The following PPARGC1A variants were observed in gnomAD, a reference collection of about 807,000 sequenced individuals.
PPARGC1A encodes the protein peroxisome proliferator-activated receptor gamma coactivator 1-alpha.
PPARGC1A carries 25 observed loss-of-function variants against 88.7 expected under a neutral mutation model. The ratio of observed to expected loss-of-function variants is 0.28; its 90% CI spans 0.21 to 0.39. The LOEUF is 0.39. PPARGC1A is among the 10% of genes least tolerant of loss of function. The probability of loss-of-function intolerance (pLI) is 1.00; values close to 1 mark genes in which losing one functional copy is unlikely to be tolerated. For synonymous variants in PPARGC1A, 363 were observed against 355.6 expected (o/e 1.02, Z -0.24); for missense variants, 880 against 968.7 (o/e 0.91, Z 1.22).
chr4:24,051,935 CAAA>C, the PPARGC1A span, among the ~76,000 whole-genome samples: 53 of 114,752 alleles, frequency 4.6e-4, no homozygotes, highest in African/African-American at 1.2e-3. Context: ...GTGATTTGCA[CAAA>C]AAAAAAAAAA....
the PPARGC1A span, among the ~76,000 whole-genome samples, chr4:24,314,078 C>T: frequency 6.6e-6 from 1 of 151,668 alleles, no homozygotes; most frequent in Non-Finnish European, 1.5e-5. Context: ...ACACCTAAAA[C>T]AATAGTTCAA....
chr4:24,445,570 A>C, the PPARGC1A span, among the ~76,000 whole-genome samples: 23 of 152,206 alleles, frequency 1.5e-4, no homozygotes, highest in African/African-American at 5.5e-4. Context: ...ACATGTTGGT[A>C]TATGTGAAGC....
chr4:24,183,578 A>T, the PPARGC1A span, among the ~76,000 whole-genome samples: 1 of 152,226 alleles, frequency 6.6e-6, no homozygotes, highest in Non-Finnish European at 1.5e-5. Context: ...CCTGGGAGAC[A>T]TTAGACTGTA....
chr4:23,925,250 A>G, the PPARGC1A span, among the ~76,000 whole-genome samples: 38 of 152,288 alleles, frequency 2.5e-4, 1 homozygote, highest in South Asian at 7.7e-3. Context: ...TTATCAATCA[A>G]TCTAGGGTTC....
the PPARGC1A span, among the ~76,000 whole-genome samples, chr4:23,983,979 G>T: frequency 0.15 from 23,499 of 151,806 alleles, 1,951 homozygotes; most frequent in East Asian, 0.26. Flanking sequence ...ATTTTCTTTA[G>T]TAATAACATC....
At chr4:24,235,395 G>A in the PPARGC1A span, among the ~76,000 whole-genome samples, 1 of 152,172 alleles carries the variant, frequency 6.6e-6, no homozygotes, top group Non-Finnish European at 1.5e-5. Context: ...AGTTTAGAAA[G>A]CATTTGTAAG....
chr4:24,459,650 C>G, the PPARGC1A span, among the ~76,000 whole-genome samples: 1 of 152,068 alleles, frequency 6.6e-6, no homozygotes, highest in Non-Finnish European at 1.5e-5. Flanking sequence ...ATTAGCCAGG[C>G]ATGGTGTTGC....
the PPARGC1A span, among the ~76,000 whole-genome samples, chr4:24,454,414 A>C: frequency 6.6e-6 from 1 of 152,058 alleles, no homozygotes; most frequent in Non-Finnish European, 1.5e-5. Context: ...TGGATAAGAA[A>C]TTCAAGAGCA....
chr4:24,116,889 T>A, the PPARGC1A span, among the ~76,000 whole-genome samples: 1,774 of 152,280 alleles, frequency 0.012, 19 homozygotes, highest in Non-Finnish European at 0.018. Context: ...TGTCCTTTGG[T>A]ACAGAGTTCC....
At chr4:24,177,681 GAAA>G in the PPARGC1A span, among the ~76,000 whole-genome samples, 1 of 144,534 alleles carries the variant, frequency 6.9e-6, no homozygotes, top group African/African-American at 2.5e-5. Flanking sequence ...TTTAAAAAAG[GAAA>G]AAAAAAAGAA....
the PPARGC1A span, among the ~76,000 whole-genome samples, chr4:24,110,023 A>C: frequency 6.6e-6 from 1 of 152,018 alleles, no homozygotes; most frequent in Non-Finnish European, 1.5e-5. Context: ...GGGGTCTCTG[A>C]CTCTGCCCTA....
chr4:24,127,330 G>A, the PPARGC1A span, among the ~76,000 whole-genome samples: 6 of 152,122 alleles, frequency 3.9e-5, no homozygotes, highest in South Asian at 2.1e-4. Flanking sequence ...CTGGTATGGC[G>A]GGGGTGGGGG....
At chr4:23,819,876 C>T (rs1722663284) in intron 7 of PPARGC1A, among the ~76,000 whole-genome samples, 1 of 152,078 alleles carries the variant, frequency 6.6e-6, no homozygotes, top group African/African-American at 2.4e-5. Context: ...TTCTCTGATG[C>T]TATGCTTTTC....
chr4:24,050,283 C>T, the PPARGC1A span, among the ~76,000 whole-genome samples: 1 of 144,306 alleles, frequency 6.9e-6, no homozygotes, highest in Non-Finnish European at 1.5e-5. Context: ...GCAACCTCTG[C>T]CTCCCAGGTT....
chr4:24,182,591 T>C, the PPARGC1A span, among the ~76,000 whole-genome samples: 1 of 152,180 alleles, frequency 6.6e-6, no homozygotes, highest in African/African-American at 2.4e-5. Flanking sequence ...CCACAATGGT[T>C]GAACTAATTT....
chr4:24,394,465 T>C, the PPARGC1A span, among the ~76,000 whole-genome samples: 1 of 152,194 alleles, frequency 6.6e-6, no homozygotes, highest in African/African-American at 2.4e-5. Context: ...TAAGAAGTCA[T>C]TTCAGGTAGA....
chr4:23,934,424 C>A, the PPARGC1A span, among the ~76,000 whole-genome samples: 3 of 152,148 alleles, frequency 2.0e-5, no homozygotes, highest in Admixed American at 6.5e-5. Flanking sequence ...GGCATCCAAC[C>A]TTTTCCCGCA....
chr4:23,846,540 G>C (rs1728355034), intron 2 of PPARGC1A, among the ~76,000 whole-genome samples: 1 of 152,098 alleles, frequency 6.6e-6, no homozygotes, highest in African/African-American at 2.4e-5. Context: ...AACCTCCATA[G>C]AAATACTGGA....
chr4:23,964,059 TTAATG>T, the PPARGC1A span, among the ~76,000 whole-genome samples: 1 of 152,170 alleles, frequency 6.6e-6, no homozygotes, highest in Non-Finnish European at 1.5e-5. Context: ...TTCTATGAGA[TTAATG>T]TAAAGCAAAC....
Sources: gnomAD v4.1 joint callset for allele counts (sites outside exome capture counted in the v4.1 genomes callset) on GRCh38, gnomAD v4.1.1 for gene constraint, MANE v1.5 for transcripts, NCBI Gene and HGNC (gene_info 2026-07-23, HGNC 2026-07-21) for gene names.